Variants in FTCDNL1 observed in about 807,000 individuals in gnomAD.
FTCDNL1 encodes formiminotransferase N-terminal subdomain-containing protein.
FTCDNL1 carries 11 observed loss-of-function variants against 5.9 expected under a neutral mutation model. The ratio of observed to expected loss-of-function variants is 1.87; its 90% confidence interval spans 1.18 to 3.10. The LOEUF is 3.10. FTCDNL1 is among the 30% of genes most tolerant of loss of function. The pLI is 0.00. For synonymous variants in FTCDNL1, 58 were observed against 24.8 expected, an observed-to-expected ratio of 2.34 and a Z score of -3.99; for missense variants, 115 against 65.5, an observed-to-expected ratio of 1.76 and a Z score of -2.61.
At position 199,819,542 on chromosome 2, in the gene FTCDNL1, ACAGAGCAAAGC is replaced by A; in HGVS notation, c.397+19_397+29del. 1.5e-6 allele frequency: 1 copy of A among 685,234 alleles called. No homozygotes were observed. Among genetic ancestry groups the A allele is most frequent in the South Asian group, 1.6e-5 (1 of 64,102 alleles). 42.4% of individuals were successfully genotyped at this position (685,234 alleles called of 1,614,324 possible). ...CCTCAAGTTTAAAAAAAAAAAAAAAACAGAGCAAAGCAAAAACCATGCTCAGAACCTGTTAA... is the reference window on the plus strand; with the variant it reads ...CCTCAAGTTTAAAAAAAAAAAAAAAAAAAAACCATGCTCAGAACCTGTTAA... On this transcript the variant is annotated intron_variant, in intron 4 of 4. Coordinates refer to ENST00000420128, the MANE Select transcript of FTCDNL1 (RefSeq NM_001363886.2).
chr2:199,831,950 T>A (rs1479582097), intron 3 of FTCDNL1, among the ~76,000 whole-genome samples: 1 of 152,100 alleles, frequency 6.6e-6, no homozygotes, highest in Non-Finnish European at 1.5e-5. Flanking sequence ...CTCCTCCCTA[T>A]AAACAGAAAA....
downstream of FTCDNL1, among the ~76,000 whole-genome samples, chr2:199,806,640 C>T (rs888454795): frequency 7.2e-5 from 11 of 152,106 alleles, no homozygotes; most frequent in Non-Finnish European, 1.5e-4. Context: ...AATATTACCT[C>T]CCTTTTGTTT....
At chr2:199,776,896 C>G (rs905233618) in intron 3 of FTCDNL1, among the ~76,000 whole-genome samples, 1 of 147,830 alleles carries the variant, frequency 6.8e-6, no homozygotes, top group African/African-American at 2.5e-5. Context: ...GACACATATA[C>G]ATGTGTAATA....
intron 3 of FTCDNL1, among the ~76,000 whole-genome samples, chr2:199,835,752 T>A (rs950357052): frequency 2.6e-5 from 4 of 152,180 alleles, no homozygotes; most frequent in Admixed American, 6.5e-5. Context: ...TAGTATTCAG[T>A]CAGTTGCTAT....
At chr2:199,679,240 T>C in the FTCDNL1 span, among the ~76,000 whole-genome samples, 2 of 152,160 alleles carry the variant, frequency 1.3e-5, no homozygotes, top group Non-Finnish European at 2.9e-5. Flanking sequence ...TCTTCCCTTT[T>C]ATTCATTTTT....
the FTCDNL1 span, among the ~76,000 whole-genome samples, chr2:199,668,979 C>A: frequency 3.3e-5 from 5 of 151,408 alleles, no homozygotes; most frequent in African/African-American, 1.2e-4. Context: ...CTTTTTTTTT[C>A]CTCTAGGCTT....
At chr2:199,847,372 T>C (rs1217666984) in intron 2 of FTCDNL1, among the ~76,000 whole-genome samples, 1 of 152,228 alleles carries the variant, frequency 6.6e-6, no homozygotes, top group Non-Finnish European at 1.5e-5. Context: ...TCATGCAACT[T>C]CCTATTTTAT....
the FTCDNL1 span, among the ~76,000 whole-genome samples, chr2:199,705,152 T>C: frequency 6.6e-6 from 1 of 152,084 alleles, no homozygotes; most frequent in African/African-American, 2.4e-5. Flanking sequence ...AAGATATATT[T>C]TAAAGATGCA....
chr2:199,744,287 C>T, the FTCDNL1 span, among the ~76,000 whole-genome samples: 3 of 152,132 alleles, frequency 2.0e-5, no homozygotes, highest in African/African-American at 4.8e-5. Context: ...CTCAATGTGA[C>T]TATATTTAAA....
the FTCDNL1 span, among the ~76,000 whole-genome samples, chr2:199,711,693 C>T: frequency 6.6e-6 from 1 of 152,034 alleles, no homozygotes; most frequent in Non-Finnish European, 1.5e-5. Context: ...TTTAAAGGGA[C>T]TGTTGAAAAA....
chr2:199,672,463 A>G, the FTCDNL1 span, among the ~76,000 whole-genome samples: 23 of 152,346 alleles, frequency 1.5e-4, no homozygotes, highest in South Asian at 4.6e-3. Flanking sequence ...ATGGCTGTAT[A>G]GCAAATCACC....
At chr2:199,722,306 A>C in the FTCDNL1 span, among the ~76,000 whole-genome samples, 1 of 152,240 alleles carries the variant, frequency 6.6e-6, no homozygotes, top group East Asian at 1.9e-4. Flanking sequence ...TTTTTGTATA[A>C]GGTGTAAAGA....
In FTCDNL1 at chr2:199,850,990, C is replaced by A. The variant is rs2076863169; in HGVS notation, c.-258G>T. On this transcript the variant is annotated 5_prime_UTR_variant, in exon 1 of 5. Transcript: ENST00000420128. ...GGTTGTGGCGCCTGGGAGCGAGGGGCAGCCGGCGGCTGCGCTGCCCCGGCC... is the reference window on the plus strand; with the variant it reads ...GGTTGTGGCGCCTGGGAGCGAGGGGAAGCCGGCGGCTGCGCTGCCCCGGCC... 6.6e-6 allele frequency: 1 copy of A among 152,078 alleles called. No individual in the cohort carries two copies. Among genetic ancestry groups the A allele is most frequent in the African/African-American group, 2.4e-5 (1 of 41,552 alleles). 9.4% of individuals were successfully genotyped at this position (152,078 alleles called of 1,614,324 possible).
intron 3 of FTCDNL1, among the ~76,000 whole-genome samples, chr2:199,799,822 G>T (rs982112305): frequency 2.2e-4 from 34 of 152,230 alleles, no homozygotes; most frequent in African/African-American, 7.7e-4. Flanking sequence ...TGAATGTTTT[G>T]CCATTCCCAG....
chr2:199,846,565 A>C (rs1333072726), intron 2 of FTCDNL1, among the ~76,000 whole-genome samples: 1 of 152,176 alleles, frequency 6.6e-6, no homozygotes, highest in African/African-American at 2.4e-5. Flanking sequence ...AAAATCCAGA[A>C]ACTAAACTGT....
chr2:199,821,041 T>A (rs1701650399), intron 3 of FTCDNL1, among the ~76,000 whole-genome samples: 1 of 152,176 alleles, frequency 6.6e-6, no homozygotes, highest in Non-Finnish European at 1.5e-5. Context: ...TTAATTCTAA[T>A]TCAGGCTGCC....
At chr2:199,819,327 G>A (rs183413180) in intron 4 of FTCDNL1, 2 of 498,404 alleles carry the variant, frequency 4.0e-6, no homozygotes, top group Non-Finnish European at 7.2e-6. Context: ...ACGTTGCAGG[G>A]CTAATGATAT....
At chr2:199,687,329 A>C in the FTCDNL1 span, among the ~76,000 whole-genome samples, 6 of 152,324 alleles carry the variant, frequency 3.9e-5, no homozygotes, top group South Asian at 1.0e-3. Context: ...TGCACAGCTA[A>C]ATGTTTAGAC....
chr2:199,666,009 A>G, the FTCDNL1 span, among the ~76,000 whole-genome samples: 4 of 152,220 alleles, frequency 2.6e-5, no homozygotes, highest in Middle Eastern at 3.2e-3. Flanking sequence ...TCTGGGAGAA[A>G]CCAAAATGAC....
Sources: allele counts gnomAD v4.1 joint callset (sites outside exome capture counted in the v4.1 genomes callset), GRCh38; gene constraint gnomAD v4.1.1; transcripts MANE v1.5; gene names NCBI Gene and HGNC (gene_info 2026-07-23, HGNC 2026-07-21).